The following EGFLAM variants were observed in gnomAD, a reference collection of about 807,000 sequenced individuals.
EGFLAM encodes the protein pikachurin.
Under a neutral mutation model 113.1 loss-of-function variants are expected in EGFLAM, and 79 were observed. The ratio of observed to expected loss-of-function variants is 0.70; its 90% CI spans 0.58 to 0.84. EGFLAM has a LOEUF of 0.84. Among genes scored for constraint, EGFLAM ranks in the 40% least tolerant of loss-of-function variants. The probability of loss-of-function intolerance (pLI) is 0.00; values close to 1 mark genes in which losing one functional copy is unlikely to be tolerated. For synonymous variants in EGFLAM, 504 were observed against 487.6 expected (o/e 1.03, Z -0.44); for missense variants, 1,265 against 1,291.6 (o/e 0.98, Z 0.32).
intron 1 of EGFLAM, among the ~76,000 whole-genome samples, chr5:38,313,104 A>G (rs970253498): frequency 6.6e-6 from 1 of 152,196 alleles, no homozygotes; most frequent in Non-Finnish European, 1.5e-5. Context: ...AAAAAATAAA[A>G]TAAAATAAGT....
chr5:38,259,261 T>A (rs1757442116), intron 1 of EGFLAM, among the ~76,000 whole-genome samples: 1 of 152,176 alleles, frequency 6.6e-6, no homozygotes, highest in African/African-American at 2.4e-5. Context: ...CTGTTAAGTG[T>A]CTGAAGGGTT....
chr5:38,339,875 A>C (rs1483716352), intron 3 of EGFLAM, among the ~76,000 whole-genome samples: 1 of 152,154 alleles, frequency 6.6e-6, no homozygotes, highest in East Asian at 1.9e-4. Context: ...GGCACCCAGC[A>C]TTGGCCGCAG....
rs1355507595 is a variant in EGFLAM, at chr5:38,427,140, G to A, written c.1942G>A (p.Gly648Ser). 1 of 1,614,076 alleles carries A rather than the reference G, an allele frequency of 6.2e-7. No individual in the cohort carries two copies. The highest frequency in any genetic ancestry group is 1.7e-5 in the Admixed American group (1 of 60,008). The change falls in exon 14 of 22, where the codon GGT (glycine) becomes AGT (serine). Residue 648 changes from glycine (G) to serine (S), a missense_variant. Transcript: ENST00000322350. ...CACATTTCGGCCAGACTCAGGAGAT[G>A]GTGTCCTCCTGTACAGCTATGACAC... Reference protein sequence around the residue: ...EITFRPDSGDGVLLYSYDTGS... With the variant: ...EITFRPDSGDSVLLYSYDTGS...
At chr5:38,352,718 C>T (rs550986557) in intron 5 of EGFLAM, among the ~76,000 whole-genome samples, 66 of 151,690 alleles carry the variant, frequency 4.4e-4, no homozygotes, top group African/African-American at 1.5e-3. Context: ...AGGAGAGTCA[C>T]CTCCAGGTCT....
In EGFLAM at chr5:38,394,935, G is replaced by GT. The variant is rs1380832372; in HGVS notation, c.713-11184dup. On this transcript the variant is annotated intron_variant, in intron 6 of 21. Coordinates refer to ENST00000322350, the MANE Select transcript of EGFLAM (RefSeq NM_152403.4). ...GAACAACCATTTAATTGAATATAGGGTTTTTTTAATTTTTATTTTTTTGAG... is the reference window on the plus strand; with the variant it reads ...GAACAACCATTTAATTGAATATAGGGTTTTTTTTAATTTTTATTTTTTTGAG... 2.6e-5 allele frequency among the ~76,000 whole-genome samples: 4 copies of GT among 151,760 alleles called. No individual in the cohort carries two copies. In the East Asian group the frequency reaches 7.8e-4, roughly 30 times the overall value.
intron 5 of EGFLAM, among the ~76,000 whole-genome samples, chr5:38,362,969 G>T (rs531285289): frequency 6.6e-6 from 1 of 152,272 alleles, no homozygotes; most frequent in Admixed American, 6.5e-5. Context: ...TAAATGAAGT[G>T]TGCTCTCCTA....
chr5:38,276,122 G>A (rs965416038), intron 1 of EGFLAM, among the ~76,000 whole-genome samples: 4 of 152,180 alleles, frequency 2.6e-5, no homozygotes, highest in African/African-American at 7.2e-5. Flanking sequence ...GCAAGGAGGA[G>A]CAAGTCATGT....
At chr5:38,405,302 C>A (rs1462656787) in intron 6 of EGFLAM, among the ~76,000 whole-genome samples, 1 of 152,096 alleles carries the variant, frequency 6.6e-6, no homozygotes, top group African/African-American at 2.4e-5. Flanking sequence ...TCATTCACAT[C>A]CCTTTTCTAT....
intron 6 of EGFLAM, among the ~76,000 whole-genome samples, chr5:38,388,924 A>AAC (rs1554010622): frequency 1.1e-5 from 1 of 94,572 alleles, no homozygotes; most frequent in African/African-American, 4.0e-5. Flanking sequence ...CAAGAAAAAA[A>AAC]AAAAAAAACA....
chr5:38,288,491 A>G (rs1168766011), intron 1 of EGFLAM, among the ~76,000 whole-genome samples: 1 of 152,224 alleles, frequency 6.6e-6, no homozygotes, highest in Non-Finnish European at 1.5e-5. Context: ...TTAACTAGAA[A>G]AACTAAATGA....
At chr5:38,439,080 G>T (rs904538662) in intron 17 of EGFLAM, among the ~76,000 whole-genome samples, 4 of 152,174 alleles carry the variant, frequency 2.6e-5, no homozygotes, top group African/African-American at 9.7e-5. Flanking sequence ...TGAGACAATG[G>T]ATCCAGAACA....
chr5:38,258,633 G>GC lies in EGFLAM; in HGVS notation c.-116dup, dbSNP rs1218156363. On this transcript the variant is annotated 5_prime_UTR_variant, in exon 1 of 22. Coordinates refer to ENST00000322350, the MANE Select transcript of EGFLAM (RefSeq NM_152403.4). Reference sequence around the variant, plus strand: ...CGTGTTTCCGGGCCCAGCCCTCGCAGCCCCCCACCTCCTCGCCCCGGCCCG... The same window carrying GC: ...CGTGTTTCCGGGCCCAGCCCTCGCAGCCCCCCCACCTCCTCGCCCCGGCCCG... The GC allele has an allele frequency of 2.6e-6, 3 of 1,142,022 alleles. No individual in the cohort carries two copies. The highest frequency in any genetic ancestry group is 1.5e-5 in the African/African-American group (1 of 64,696). The allele number at this position is 1,142,022 out of a possible 1,614,324, so 70.7% of individuals were successfully genotyped here.
At chr5:38,445,484 C>A in intron 17 of EGFLAM, 3 of 1,462,076 alleles carry the variant, frequency 2.1e-6, no homozygotes, top group Non-Finnish European at 2.7e-6. Flanking sequence ...GCCAATCATG[C>A]TGAGGAGAGA....
chr5:38,263,415 T>G (rs1757552634), intron 1 of EGFLAM, among the ~76,000 whole-genome samples: 1 of 152,124 alleles, frequency 6.6e-6, no homozygotes, highest in Non-Finnish European at 1.5e-5. Context: ...TGAGCCAAGA[T>G]CGCACCACTG....
intron 1 of EGFLAM, among the ~76,000 whole-genome samples, chr5:38,303,365 G>T (rs1864041): frequency 1.3e-5 from 2 of 152,178 alleles, no homozygotes; most frequent in South Asian, 4.1e-4. Flanking sequence ...AGTAATTTAC[G>T]ACTGGAAGAT....
intron 3 of EGFLAM, among the ~76,000 whole-genome samples, chr5:38,346,181 A>G (rs1308398025): frequency 2.6e-5 from 4 of 152,194 alleles, no homozygotes; most frequent in African/African-American, 9.7e-5. Flanking sequence ...TTTTTGATCT[A>G]TATATGGAAC....
chr5:38,339,832 C>T (rs1301891784), intron 3 of EGFLAM, among the ~76,000 whole-genome samples: 1 of 152,188 alleles, frequency 6.6e-6, no homozygotes, highest in Non-Finnish European at 1.5e-5. Flanking sequence ...TTTTGTATGA[C>T]ATGCTTTTAA....
At position 38,258,629 on chromosome 5, in the gene EGFLAM, C is replaced by T. The variant is rs574909482; in HGVS notation, c.-126C>T. On this transcript the variant is annotated 5_prime_UTR_variant, in exon 1 of 22. Coordinates refer to ENST00000322350, the MANE Select transcript of EGFLAM (RefSeq NM_152403.4). ...TACCCGTGTTTCCGGGCCCAGCCCT[C>T]GCAGCCCCCCACCTCCTCGCCCCGG... 5 of 1,106,122 alleles carry T rather than the reference C, an allele frequency of 4.5e-6. No homozygotes were observed. In the African/African-American group the frequency reaches 6.2e-5, roughly 14 times the overall value. 68.5% of individuals were successfully genotyped at this position (1,106,122 alleles called of 1,614,324 possible).
At chr5:38,376,542 G>T (rs1740369618) in intron 6 of EGFLAM, among the ~76,000 whole-genome samples, 2 of 152,158 alleles carry the variant, frequency 1.3e-5, no homozygotes, top group Admixed American at 1.3e-4. Flanking sequence ...CCTAGCAAAA[G>T]CCGTTTTGCT....
Sources: gnomAD v4.1 joint callset for allele counts (sites outside exome capture counted in the v4.1 genomes callset) on GRCh38, gnomAD v4.1.1 for gene constraint, MANE v1.5 for transcripts, NCBI Gene and HGNC (gene_info 2026-07-23, HGNC 2026-07-21) for gene names.